The following CADPS variants were observed in gnomAD, a reference collection of about 807,000 sequenced individuals.
The protein encoded by CADPS is calcium-dependent secretion activator 1.
Under a neutral mutation model 167.3 loss-of-function variants are expected in CADPS, and 57 were observed. The observed-to-expected ratio is 0.34, with a 90% CI of 0.28 to 0.42. The LOEUF is 0.42. Ranked by LOEUF, CADPS falls within the 20% of genes least tolerant of loss-of-function variation. CADPS has a pLI of 1.00. For synonymous variants in CADPS, 676 were observed against 635.3 expected, an observed-to-expected ratio of 1.06 and a Z score of -0.96; for missense variants, 1,414 against 1,738.1, an observed-to-expected ratio of 0.81 and a Z score of 3.32.
rs1012080999 is a variant in CADPS at position 62,742,824 on chromosome 3, C to T, written c.888+10617G>A. Among the ~76,000 whole-genome samples, 3 of 152,094 alleles carry T rather than the reference C, an allele frequency of 2.0e-5. No homozygotes were observed. The East Asian group carries it at 5.8e-4, about 29-fold the overall frequency. On this transcript the variant is annotated intron_variant, in intron 3 of 29. Transcript: ENST00000383710. ...TCTGCATAGCAAAACAAACTATCAACAGAGAAAAGAGAAAACAGAAAACCG... is the reference window on the plus strand; with the variant it reads ...TCTGCATAGCAAAACAAACTATCAATAGAGAAAAGAGAAAACAGAAAACCG...
chr3:62,807,998 C>T (rs1351784474), intron 1 of CADPS, among the ~76,000 whole-genome samples: 4 of 152,002 alleles, frequency 2.6e-5, no homozygotes, highest in African/African-American at 9.7e-5. Flanking sequence ...CTCAGCCTCC[C>T]GAGTAGCTGG....
At chr3:62,435,860 A>G (rs1203266363) in intron 28 of CADPS, among the ~76,000 whole-genome samples, 2 of 152,158 alleles carry the variant, frequency 1.3e-5, no homozygotes, top group East Asian at 1.9e-4. Flanking sequence ...GTGGAATTCA[A>G]CAAGGGACTG....
intron 26 of CADPS, among the ~76,000 whole-genome samples, chr3:62,453,364 G>A (rs554390889): frequency 1.3e-5 from 2 of 152,194 alleles, no homozygotes; most frequent in African/African-American, 4.8e-5. Context: ...AAAAGTGATA[G>A]AATTTTCAAT....
intron 1 of CADPS, among the ~76,000 whole-genome samples, chr3:62,799,416 C>G (rs1166244840): frequency 6.6e-6 from 1 of 152,140 alleles, no homozygotes; most frequent in East Asian, 1.9e-4. Flanking sequence ...CTATGAAACA[C>G]TCTTCCTTGA....
chr3:62,672,913 C>A (rs1281504774), intron 3 of CADPS, among the ~76,000 whole-genome samples: 1 of 152,200 alleles, frequency 6.6e-6, no homozygotes, highest in East Asian at 1.9e-4. Context: ...CTGCACCTGG[C>A]CCTCTGTCAT....
At chr3:62,646,431 T>C (rs11914800) in intron 5 of CADPS, among the ~76,000 whole-genome samples, 13,630 of 152,054 alleles carry the variant, frequency 0.09, 1,317 homozygotes, top group African/African-American at 0.23. Context: ...CTCAGCCTCC[T>C]GAAGTGCTGG....
chr3:62,753,612 G>A lies in CADPS; in HGVS notation c.717C>T (p.Ala239=). The change falls in exon 3 of 30, where the codon GCC becomes GCT. Residue 239 remains alanine, a synonymous_variant. Transcript: ENST00000383710. This position sits in a 1 kb window ranked among gnomAD's most constrained non-coding sequence, Gnocchi z 4.6. ...CTCCACGGTAGATGGCATCAAATTT[G>A]GCCATCCAGGAGCTCAGCACAGTCT... The part of the protein sequence containing the change: ...SKETVLSSWM[A]KFDAIYRGEE... The A allele has an allele frequency of 6.2e-7, 1 of 1,614,104 alleles. No homozygotes were observed. Among genetic ancestry groups the A allele is most frequent in the South Asian group, 1.1e-5 (1 of 91,076 alleles).
intron 1 of CADPS, among the ~76,000 whole-genome samples, chr3:62,823,530 G>T (rs765237947): frequency 3.3e-5 from 5 of 152,124 alleles, no homozygotes; most frequent in Non-Finnish European, 7.4e-5. Context: ...AAAAGTGGTT[G>T]GGGCCAGAGA....
At chr3:62,772,777 G>C (rs1341039272) in intron 1 of CADPS, among the ~76,000 whole-genome samples, 1 of 152,162 alleles carries the variant, frequency 6.6e-6, no homozygotes, top group Non-Finnish European at 1.5e-5. Flanking sequence ...AACAGCAACT[G>C]TATCAGAAAG....
chr3:62,765,798 T>C (rs1236586646), intron 2 of CADPS, 73 bp downstream of exon 2: 6 of 897,002 alleles, frequency 6.7e-6, no homozygotes, highest in Non-Finnish European at 1.1e-5. Context: ...ACTGTCCCCA[T>C]TGCCCTGCAG....
chr3:62,608,447 G>A (rs1012606702), intron 6 of CADPS, among the ~76,000 whole-genome samples: 8 of 151,692 alleles, frequency 5.3e-5, no homozygotes, highest in Admixed American at 1.3e-4. Flanking sequence ...CATGCCAGGC[G>A]AATTTTTGTA....
chr3:62,812,725 T>G (rs1395243414), intron 1 of CADPS, among the ~76,000 whole-genome samples: 1 of 152,194 alleles, frequency 6.6e-6, no homozygotes, highest in African/African-American at 2.4e-5. Context: ...TTTAGGAAAT[T>G]GATGTTGGAC....
intron 1 of CADPS, among the ~76,000 whole-genome samples, chr3:62,787,313 C>A (rs143362745): frequency 2.0e-5 from 3 of 152,120 alleles, no homozygotes; most frequent in African/African-American, 7.2e-5. Flanking sequence ...ATGCAAAAAA[C>A]CAAAAGCCCC....
At position 62,421,223 on chromosome 3, in the gene CADPS, C is replaced by A. The variant is rs2051303864; in HGVS notation, c.3777+16881G>T. On this transcript the variant is annotated intron_variant, in intron 28 of 29. Transcript: ENST00000383710. The surrounding 1 kb of genome is among the most constrained non-coding windows in gnomAD (Gnocchi z 4.7). ...CCGTCAATGCTTCTCGTCCACAAGG[C>A]TCCCTCCCCCTTCCTCCCCACACCC... Among the ~76,000 whole-genome samples, 1 of 152,126 alleles carries A rather than the reference C, an allele frequency of 6.6e-6. No homozygotes were observed. Among genetic ancestry groups the A allele is most frequent in the South Asian group, 2.1e-4 (1 of 4,820 alleles).
At position 62,864,081 on chromosome 3, in the gene CADPS, A is replaced by C. The variant is rs536664246; in HGVS notation, c.441+10508T>G. Reference sequence around the variant, plus strand: ...AATTACATCAATTTAGTCACTATGCATACTACTCAATACAGCTGACAACTT... The same window carrying C: ...AATTACATCAATTTAGTCACTATGCCTACTACTCAATACAGCTGACAACTT... On this transcript the variant is annotated intron_variant, in intron 1 of 29. Transcript: ENST00000383710. 2.6e-5 allele frequency among the ~76,000 whole-genome samples: 4 copies of C among 152,330 alleles called. No homozygotes were observed. In the South Asian group the frequency reaches 8.3e-4, roughly 32 times the overall value.
chr3:62,612,513 T>C (rs1282572550), intron 6 of CADPS, among the ~76,000 whole-genome samples: 1 of 152,224 alleles, frequency 6.6e-6, no homozygotes, highest in African/African-American at 2.4e-5. Flanking sequence ...TCCAGGCTAG[T>C]TCCAGGGTCT....
At position 62,528,929 on chromosome 3, in the gene CADPS, C is replaced by A. The variant is rs833677; in HGVS notation, c.2291+3942G>T. 4.3e-3 allele frequency among the ~76,000 whole-genome samples: 652 copies of A among 152,212 alleles called. 3 individuals are homozygous for A. Among genetic ancestry groups the A allele is most frequent in the African/African-American group, 0.015 (621 of 41,538 alleles). On this transcript the variant is annotated intron_variant, in intron 13 of 29. Coordinates refer to ENST00000383710, the MANE Select transcript of CADPS (RefSeq NM_003716.4). ...ATCCCAGCACTTTAGGAGGCTGAGT[C>A]GGGCAGATTACCTGAGGTCAGGAGT...
intron 1 of CADPS, among the ~76,000 whole-genome samples, chr3:62,859,879 G>A (rs532010873): frequency 1.3e-5 from 2 of 152,144 alleles, no homozygotes; most frequent in African/African-American, 2.4e-5. Flanking sequence ...ACAAGGTCAA[G>A]GCCAATCACT....
intron 28 of CADPS, among the ~76,000 whole-genome samples, chr3:62,437,436 C>G (rs945981529): frequency 4.0e-5 from 6 of 150,918 alleles, no homozygotes; most frequent in African/African-American, 1.5e-4. Context: ...ATGATTAACC[C>G]TTGGTAATCT....
Sources: gnomAD v4.1 joint callset for allele counts (sites outside exome capture counted in the v4.1 genomes callset) on GRCh38, gnomAD v4.1.1 for gene constraint, Gnocchi (gnomAD v3.1) non-coding constraint, MANE v1.5 for transcripts, NCBI Gene and HGNC (gene_info 2026-07-23, HGNC 2026-07-21) for gene names.